DLGAP1: variants seen among roughly 807,000 people sequenced by gnomAD.
The protein encoded by DLGAP1 is disks large-associated protein 1.
A neutral mutation model predicts 90.8 loss-of-function variants in DLGAP1; 11 were observed. That is an observed-to-expected ratio of 0.12 (90% CI 0.08 to 0.20). The LOEUF (loss-of-function observed/expected upper bound fraction) is 0.20. Ranked by LOEUF, DLGAP1 falls within the 10% of genes least tolerant of loss-of-function variation. The pLI is 1.00. For synonymous variants in DLGAP1, 558 were observed against 540.7 expected (o/e 1.03, Z -0.44); for missense variants, 1,050 against 1,333.8 (o/e 0.79, Z 3.31).
chr18:4,221,365 T>C (rs1018728338), intron 1 of DLGAP1, among the ~76,000 whole-genome samples: 1 of 152,150 alleles, frequency 6.6e-6, no homozygotes, highest in Non-Finnish European at 1.5e-5. Context: ...TCAAAAGAGC[T>C]CTCTGTACAT....
intron 7 of DLGAP1, among the ~76,000 whole-genome samples, chr18:3,648,674 G>A (rs1004621595): frequency 1.3e-5 from 2 of 152,200 alleles, no homozygotes; most frequent in African/African-American, 4.8e-5. Context: ...GCCTTCTTAT[G>A]CAATGTAATA....
intron 1 of DLGAP1, among the ~76,000 whole-genome samples, chr18:4,213,857 T>G (rs570267068): frequency 6.6e-6 from 1 of 152,026 alleles, no homozygotes. Flanking sequence ...AAAATTAACA[T>G]AGTAAGTGGT....
intron 11 of DLGAP1, among the ~76,000 whole-genome samples, chr18:3,507,736 G>T (rs1176573439): frequency 4.4e-5 from 4 of 89,976 alleles, no homozygotes; most frequent in Admixed American, 1.7e-4. Flanking sequence ...ATTCTTGAAG[G>T]TTTTTTTTTT....
intron 7 of DLGAP1, chr18:3,606,889 G>A (rs1420613580): frequency 2.6e-5 from 4 of 152,234 alleles, no homozygotes; most frequent in Non-Finnish European, 5.9e-5. Flanking sequence ...CCAGGCTGGA[G>A]TGCAGTGGCA....
intron 1 of DLGAP1, among the ~76,000 whole-genome samples, chr18:4,348,400 A>ATGTGTG (rs71160958): frequency 0.013 from 1,792 of 133,484 alleles, 33 homozygotes; most frequent in African/African-American, 0.037. Flanking sequence ...GAACTCAGGA[A>ATGTGTG]TGTGTGTGTG....
At chr18:3,744,383 C>CA (rs1430476177) in intron 5 of DLGAP1, among the ~76,000 whole-genome samples, 1 of 151,644 alleles carries the variant, frequency 6.6e-6, no homozygotes, top group Non-Finnish European at 1.5e-5. Flanking sequence ...ACAGAAATTA[C>CA]AAAAAAGAAA....
At chr18:3,997,862 A>C (rs1236278783) in intron 3 of DLGAP1, among the ~76,000 whole-genome samples, 1 of 152,064 alleles carries the variant, frequency 6.6e-6, no homozygotes, top group Admixed American at 6.5e-5. Context: ...TTTCATATTA[A>C]GTTTTTGCTA....
intron 7 of DLGAP1, among the ~76,000 whole-genome samples, chr18:3,655,196 T>G (rs1484044000): frequency 6.6e-6 from 1 of 151,880 alleles, no homozygotes; most frequent in Non-Finnish European, 1.5e-5. Context: ...CCATGCAGCC[T>G]CCCCTGATTA....
intron 3 of DLGAP1, among the ~76,000 whole-genome samples, chr18:3,888,929 G>C (rs528133207): frequency 2.0e-5 from 3 of 152,172 alleles, no homozygotes; most frequent in Non-Finnish European, 4.4e-5. Context: ...GAGAGGGTTG[G>C]TTATCTCGGC....
intron 2 of DLGAP1, among the ~76,000 whole-genome samples, chr18:4,044,787 A>G (rs2075024759): frequency 6.6e-6 from 1 of 152,070 alleles, no homozygotes; most frequent in African/African-American, 2.4e-5. Flanking sequence ...AAACAAACAA[A>G]CAAAAACCTA....
intron 7 of DLGAP1, among the ~76,000 whole-genome samples, chr18:3,694,979 G>GC (rs36056832): frequency 0.4 from 58,000 of 144,026 alleles, 11,923 homozygotes; most frequent in East Asian, 0.64. Flanking sequence ...TTGTTCTGTC[G>GC]CCCAGACTGG....
intron 1 of DLGAP1, among the ~76,000 whole-genome samples, chr18:4,330,368 C>T (rs1358199058): frequency 2.6e-5 from 4 of 151,624 alleles, no homozygotes; most frequent in Non-Finnish European, 5.9e-5. Flanking sequence ...TTAATTACGT[C>T]CTTGACTTAT....
chr18:4,100,000 A>C lies in DLGAP1; in HGVS notation c.-159+51180T>G, dbSNP rs141013251. Among the ~76,000 whole-genome samples the C allele has an allele frequency of 1.8e-4, 27 of 147,986 alleles. No homozygotes were observed. In the East Asian group the frequency reaches 5.2e-3, roughly 29 times the overall value. On this transcript the variant is annotated intron_variant, in intron 2 of 12. Coordinates refer to ENST00000315677, the MANE Select transcript of DLGAP1 (RefSeq NM_004746.4). ...CCCAAAGTGCTGGGACTACAGGTGT[A>C]TGCCACCATGCCTGGCTAATTTATT...
intron 3 of DLGAP1, among the ~76,000 whole-genome samples, chr18:3,964,341 A>T (rs2073274390): frequency 6.6e-6 from 1 of 152,220 alleles, no homozygotes; most frequent in Non-Finnish European, 1.5e-5. Context: ...AAATGGGCCA[A>T]TAGTTGTCCT....
In DLGAP1 at chr18:3,582,099, T is replaced by C. The variant is rs1568238019; in HGVS notation, c.1741A>G (p.Ile581Val). The C allele has an allele frequency of 1.2e-6, 2 of 1,613,958 alleles. No individual in the cohort carries two copies. The highest frequency in any genetic ancestry group is 1.7e-6 in the Non-Finnish European group (2 of 1,179,990). Residue 581 changes from isoleucine to valine, a missense_variant, in exon 8 of 13, where the codon ATC becomes GTC. Ile to Val is a conservative substitution (Grantham distance 29). Coordinates refer to ENST00000315677, the MANE Select transcript of DLGAP1 (RefSeq NM_004746.4). ...GAGTTGCTGAGTCCAGACTGGCTGA[T>C]AATATCTCCTCGCTGGCCCTGTCCG... ...MDGQGQRGDI[I>V]SQSGLSNSTE...
At chr18:4,010,903 C>T (rs1251854791) in intron 2 of DLGAP1, among the ~76,000 whole-genome samples, 1 of 151,798 alleles carries the variant, frequency 6.6e-6, no homozygotes, top group Non-Finnish European at 1.5e-5. Context: ...CGGCCAGGCA[C>T]AGTGGCTCAC....
At chr18:4,287,172 C>G (rs867053525) in intron 1 of DLGAP1, among the ~76,000 whole-genome samples, 2 of 152,106 alleles carry the variant, frequency 1.3e-5, no homozygotes, top group South Asian at 2.1e-4. Context: ...AACATATAAA[C>G]GTAAGTCTGA....
rs138154260 is a variant in DLGAP1, at chr18:3,835,432, G to C, written c.958-21159C>G. Among the ~76,000 whole-genome samples, 224 of 152,130 alleles carry C rather than the reference G, an allele frequency of 1.5e-3. 5 individuals carry two copies. In the East Asian group the frequency reaches 0.039, roughly 26 times the overall value. On this transcript the variant is annotated intron_variant, in intron 4 of 12. Transcript: ENST00000315677. ...TTGGGAGGCTGAGGGGGCAGATCATGAAGTCAGGAGATCAAGACCATCCTG... is the reference window on the plus strand; with the variant it reads ...TTGGGAGGCTGAGGGGGCAGATCATCAAGTCAGGAGATCAAGACCATCCTG...
chr18:4,012,371 C>T (rs7245088), intron 2 of DLGAP1, among the ~76,000 whole-genome samples: 1 of 152,076 alleles, frequency 6.6e-6, no homozygotes, highest in East Asian at 1.9e-4. Context: ...GCCATCCCCC[C>T]CTCTGCCACT....
Sources: gnomAD v4.1 joint callset for allele counts (sites outside exome capture counted in the v4.1 genomes callset) on GRCh38, gnomAD v4.1.1 for gene constraint, MANE v1.5 for transcripts, NCBI Gene and HGNC (gene_info 2026-07-23, HGNC 2026-07-21) for gene names.